Variants in STK39 observed in about 807,000 individuals in gnomAD.
STK39 encodes serine/threonine kinase 39, also known as STE20/SPS1-related proline-alanine-rich protein kinase.
In STK39, 20 loss-of-function variants were observed where a neutral mutation model predicts 77.8. The observed-to-expected ratio is 0.26, with a 90% CI of 0.18 to 0.37. STK39 has a LOEUF of 0.37. STK39 is among the 10% of genes least tolerant of loss of function. STK39 has a pLI of 1.00. For synonymous variants in STK39, 246 were observed against 234.1 expected (o/e 1.05, Z -0.47); for missense variants, 479 against 656.5 (o/e 0.73, Z 2.95).
At chr2:168,157,831 C>A (rs1322311434) in intron 5 of STK39, among the ~76,000 whole-genome samples, 1 of 152,116 alleles carries the variant, frequency 6.6e-6, no homozygotes, top group Non-Finnish European at 1.5e-5. Flanking sequence ...ATGAGATCTA[C>A]CTTACATAAT....
intron 16 of STK39, among the ~76,000 whole-genome samples, chr2:167,975,808 T>C (rs1023293642): frequency 1.3e-5 from 2 of 152,156 alleles, no homozygotes; most frequent in Non-Finnish European, 2.9e-5. Context: ...TAGTTCTTCT[T>C]TGGGAATTCT....
chr2:168,247,207 C>A (rs1487456561), intron 1 of STK39, 21 bp downstream of exon 1: 9 of 1,195,396 alleles, frequency 7.5e-6, no homozygotes, highest in Non-Finnish European at 8.3e-6. Context: ...GTGCCGGCCC[C>A]GCCGCGCCCG....
At chr2:168,004,781 A>G (rs1684085547) in intron 16 of STK39, among the ~76,000 whole-genome samples, 1 of 151,722 alleles carries the variant, frequency 6.6e-6, no homozygotes. Flanking sequence ...TGACTATGAA[A>G]TTCCAGTGTG....
chr2:167,956,718 TCTC>T (rs1559032390), intron 17 of STK39, among the ~76,000 whole-genome samples: 3 of 55,966 alleles, frequency 5.4e-5, no homozygotes, highest in African/African-American at 2.4e-4. Context: ...TCTCTCTCTC[TCTC>T]TCTCTCTCCC....
chr2:168,063,542 C>T lies in STK39; in HGVS notation c.1334G>A (p.Arg445Lys), dbSNP rs755705794. 6 of 1,613,174 alleles carry T rather than the reference C, an allele frequency of 3.7e-6. No homozygotes were observed. The Admixed American group carries it at 8.3e-5, about 22-fold the overall frequency. ...GTTCACGGCACAAGAAGAAGCTTCTCTGTAGTCTTCATTAGCATTGGGTGG... is the reference window on the plus strand; with the variant it reads ...GTTCACGGCACAAGAAGAAGCTTCTTTGTAGTCTTCATTAGCATTGGGTGG... Reference protein sequence around the residue: ...QGPPNANEDYREASSCAVNLV... With the variant: ...QGPPNANEDYKEASSCAVNLV... The change falls in exon 14 of 18, where the codon AGA (arginine) becomes AAA (lysine). Residue 445 changes from arginine to lysine, a missense_variant. Transcript: ENST00000355999.
rs536932136 is a variant in STK39, at chr2:168,185,206, G to T, written c.209-3116C>A. On this transcript the variant is annotated intron_variant, in intron 1 of 17. Coordinates refer to ENST00000355999, the MANE Select transcript of STK39 (RefSeq NM_013233.3). ...ATCATGCACCCCTTTTGGAATAAGAGTTCTTAACATTTTATGAATTTCTCA... is the reference window on the plus strand; with the variant it reads ...ATCATGCACCCCTTTTGGAATAAGATTTCTTAACATTTTATGAATTTCTCA... Among the ~76,000 whole-genome samples, 4 of 152,274 alleles carry T rather than the reference G, an allele frequency of 2.6e-5. No individual in the cohort carries two copies. The South Asian group carries it at 6.2e-4, about 24-fold the overall frequency.
At position 167,957,672 on chromosome 2, in the gene STK39, G is replaced by A. The variant is rs150028610; in HGVS notation, c.1564-2102C>T. On this transcript the variant is annotated intron_variant, in intron 17 of 17. Transcript: ENST00000355999. ...ACAAAAAGGTCACATTGCCAAATGTGAAGTACACCAATGTACTTCAAATCT... is the reference window on the plus strand; with the variant it reads ...ACAAAAAGGTCACATTGCCAAATGTAAAGTACACCAATGTACTTCAAATCT... Among the ~76,000 whole-genome samples, 475 of 152,308 alleles carry A rather than the reference G, an allele frequency of 3.1e-3. 3 individuals are homozygous for A. The highest frequency in any genetic ancestry group is 2.7e-3 in the South Asian group (13 of 4,826).
At chr2:168,214,551 A>C (rs887374808) in intron 1 of STK39, among the ~76,000 whole-genome samples, 9 of 152,204 alleles carry the variant, frequency 5.9e-5, no homozygotes, top group African/African-American at 1.9e-4. Flanking sequence ...AACTAGACAG[A>C]GGTGATGGTT....
In STK39 at chr2:167,996,828, G is replaced by A. The variant is rs148943514; in HGVS notation, c.1498+15806C>T. ...CTAGAACTCAAAGAGGTAGATCACCGACTAAGGAACTGCAGAGCAAAGGGT... is the reference window on the plus strand; with the variant it reads ...CTAGAACTCAAAGAGGTAGATCACCAACTAAGGAACTGCAGAGCAAAGGGT... On this transcript the variant is annotated intron_variant, in intron 16 of 17. Coordinates refer to ENST00000355999, the MANE Select transcript of STK39 (RefSeq NM_013233.3). Among the ~76,000 whole-genome samples the A allele has an allele frequency of 2.3e-3, 350 of 152,132 alleles. 5 individuals carry two copies. Among genetic ancestry groups the A allele is most frequent in the Middle Eastern group, 6.8e-3 (2 of 294 alleles).
At chr2:168,034,739 C>G (rs988380101) in intron 14 of STK39, among the ~76,000 whole-genome samples, 11 of 152,204 alleles carry the variant, frequency 7.2e-5, no homozygotes, top group Non-Finnish European at 1.2e-4. Context: ...AGTGACAGCA[C>G]AGAGCATTAT....
At chr2:168,118,348 T>A (rs1372686025) in intron 10 of STK39, among the ~76,000 whole-genome samples, 1 of 152,154 alleles carries the variant, frequency 6.6e-6, no homozygotes, top group Non-Finnish European at 1.5e-5. Context: ...AACAATTAGT[T>A]TTCTACAAAC....
At chr2:168,000,879 A>C (rs1206959187) in intron 16 of STK39, among the ~76,000 whole-genome samples, 1 of 152,230 alleles carries the variant, frequency 6.6e-6, no homozygotes, top group Non-Finnish European at 1.5e-5. Context: ...TACTGAAAAG[A>C]TGCTTTGAAT....
intron 1 of STK39, among the ~76,000 whole-genome samples, chr2:168,196,400 C>G (rs1186130410): frequency 6.6e-6 from 1 of 152,162 alleles, no homozygotes; most frequent in South Asian, 2.1e-4. Flanking sequence ...TGGTGGCTCA[C>G]GCCTGTAATC....
intron 14 of STK39, among the ~76,000 whole-genome samples, chr2:168,051,353 A>G (rs1213148598): frequency 6.6e-6 from 1 of 152,236 alleles, no homozygotes; most frequent in Non-Finnish European, 1.5e-5. Context: ...TCAGGCTACT[A>G]TCAGGTAAGG....
At chr2:168,031,120 T>C (rs1684822912) in intron 14 of STK39, among the ~76,000 whole-genome samples, 1 of 152,172 alleles carries the variant, frequency 6.6e-6, no homozygotes, top group Non-Finnish European at 1.5e-5. Context: ...TGGCCTGCCC[T>C]GGAGAAGAGC....
chr2:167,987,332 C>T (rs1336218208), intron 16 of STK39, among the ~76,000 whole-genome samples: 2 of 152,038 alleles, frequency 1.3e-5, no homozygotes, highest in Non-Finnish European at 2.9e-5. Context: ...GTGAGAAAAG[C>T]GAGGATGCAT....
Position 168,194,043 on chromosome 2 carries a change from G to A in STK39, c.209-11953C>T, listed in dbSNP as rs893750944. On this transcript the variant is annotated intron_variant, in intron 1 of 17. Transcript: ENST00000355999. ...TGCCAGCCTGGGAAGGGTCTCGCCCGCCTGCAAGCATCCAGAAGGAGCAGA... is the reference window on the plus strand; with the variant it reads ...TGCCAGCCTGGGAAGGGTCTCGCCCACCTGCAAGCATCCAGAAGGAGCAGA... Among the ~76,000 whole-genome samples, 8 of 152,264 alleles carry A rather than the reference G, an allele frequency of 5.3e-5. No individual in the cohort carries two copies. In the South Asian group the frequency reaches 6.2e-4, roughly 12 times the overall value.
chr2:168,146,396 C>T (rs531467687), intron 5 of STK39, among the ~76,000 whole-genome samples: 9 of 152,314 alleles, frequency 5.9e-5, no homozygotes, highest in African/African-American at 2.2e-4. Flanking sequence ...AACATTGACT[C>T]TCTTTGATCA....
At chr2:168,125,333 G>A (rs902436401) in intron 10 of STK39, among the ~76,000 whole-genome samples, 5 of 152,088 alleles carry the variant, frequency 3.3e-5, no homozygotes, top group Non-Finnish European at 7.4e-5. Context: ...GGAACACCAC[G>A]TGGTTAAGCT....
Sources: allele counts gnomAD v4.1 joint callset (sites outside exome capture counted in the v4.1 genomes callset), GRCh38; gene constraint gnomAD v4.1.1; transcripts MANE v1.5; gene names NCBI Gene and HGNC (gene_info 2026-07-23, HGNC 2026-07-21).